Variants in TDRD12 observed in about 807,000 individuals in gnomAD.
The protein encoded by TDRD12 is tudor domain containing 12.
A neutral mutation model predicts 133.5 loss-of-function variants in TDRD12; 158 were observed. The observed-to-expected ratio is 1.18, with a 90% CI of 1.04 to 1.35. The LOEUF is 1.35. Among genes scored for constraint, TDRD12 ranks in the 40% most tolerant of loss-of-function variants. The pLI, the probability that TDRD12 is intolerant of heterozygous loss-of-function variation, is 0.00. For synonymous variants in TDRD12, 460 were observed against 477.9 expected (o/e 0.96, Z 0.49); for missense variants, 1,443 against 1,321.3 (o/e 1.09, Z -1.43).
At chr19:32,735,191 C>A (rs941134718) in intron 2 of TDRD12, among the ~76,000 whole-genome samples, 7 of 151,780 alleles carry the variant, frequency 4.6e-5, no homozygotes, top group African/African-American at 1.7e-4. Flanking sequence ...AGGCCTCTTG[C>A]ACCAAACAGT....
In TDRD12 at chr19:32,797,733, A is replaced by C. The variant is rs983519780; in HGVS notation, c.1474-2A>C. ...GTCATTTGAATTTGTCTGTCTTCGC[A>C]GCCTCTCGCAGTCATCGTGTGCCCT... On this transcript the variant is annotated splice_acceptor_variant, in intron 14 of 27. Transcript: ENST00000444215. LOFTEE classifies it high-confidence loss of function. 1 of 668,682 alleles carries C rather than the reference A, an allele frequency of 1.5e-6. No homozygotes were observed. The highest frequency in any genetic ancestry group is 2.7e-6 in the Non-Finnish European group (1 of 372,496). 41.4% of individuals were successfully genotyped at this position (668,682 alleles called of 1,614,324 possible). A position where few individuals can be genotyped will look rare whatever the true frequency, so the allele number is the denominator to read the frequency against.
intron 14 of TDRD12, among the ~76,000 whole-genome samples, chr19:32,796,842 T>C (rs1360913196): frequency 6.6e-6 from 1 of 152,058 alleles, no homozygotes; most frequent in Non-Finnish European, 1.5e-5. Flanking sequence ...CCTGGATCTG[T>C]ATGAATGAAA....
intron 19 of TDRD12, among the ~76,000 whole-genome samples, chr19:32,802,290 ATCC>A (rs1293128124): frequency 6.7e-6 from 1 of 149,600 alleles, no homozygotes; most frequent in Non-Finnish European, 1.5e-5. Flanking sequence ...CATGATAGTG[ATCC>A]TCAAGCTATA....
intron 4 of TDRD12, 87 bp downstream of exon 4, chr19:32,742,987 A>G: frequency 4.7e-6 from 7 of 1,477,024 alleles, no homozygotes; most frequent in Non-Finnish European, 6.4e-6. Flanking sequence ...GTTCCTCTGT[A>G]GAAGTGCTGA....
In TDRD12 at chr19:32,796,490, C is replaced by A. The variant is rs750262112; in HGVS notation, c.1474-1245C>A. Among the ~76,000 whole-genome samples, 53 of 151,732 alleles carry A rather than the reference C, an allele frequency of 3.5e-4. 1 individual carries two copies. The highest frequency in any genetic ancestry group is 3.4e-3 in the Middle Eastern group (1 of 294). On this transcript the variant is annotated intron_variant, in intron 14 of 27. Transcript: ENST00000444215. The stretch of plus-strand genomic sequence containing the variant: ...GTTCCAGCTACTCGAGAGGCTGAGG[C>A]AGGAGAATCGCTTGAACCTGGGAGG...
At chr19:32,734,112 G>T (rs1969148541) in intron 2 of TDRD12, among the ~76,000 whole-genome samples, 1 of 151,926 alleles carries the variant, frequency 6.6e-6, no homozygotes, top group African/African-American at 2.4e-5. Flanking sequence ...AGCCAGGATG[G>T]TCTTGATCTC....
intron 8 of TDRD12, among the ~76,000 whole-genome samples, chr19:32,764,766 A>G (rs1970247229): frequency 6.6e-6 from 1 of 152,168 alleles, no homozygotes; most frequent in Admixed American, 6.5e-5. Context: ...TCCTTCATGT[A>G]TTTTGAAGGT....
chr19:32,826,621 G>A (rs1310729598), intron 9 of TDRD12, 23 bp downstream of exon 31: 33 of 1,235,926 alleles, frequency 2.7e-5, no homozygotes, highest in Non-Finnish European at 3.2e-5. Flanking sequence ...GCACTCAGCG[G>A]GTGGTCTTTA....
In TDRD12 at chr19:32,804,691, CAA is replaced by C. The variant is rs34907310; in HGVS notation, c.2552+1565_2552+1566del. Among the ~76,000 whole-genome samples the C allele has an allele frequency of 1.9e-3, 227 of 121,116 alleles. 1 individual carries two copies. Among genetic ancestry groups the C allele is most frequent in the African/African-American group, 5.8e-3 (185 of 31,832 alleles). The allele number at this position is 121,116 out of a possible 152,430, so 79.5% of individuals were successfully genotyped here. A position where few individuals can be genotyped will look rare whatever the true frequency, so the allele number is the denominator to read the frequency against. On this transcript the variant is annotated intron_variant, in intron 21 of 27. Coordinates refer to ENST00000444215, the Ensembl canonical transcript of TDRD12. Reference sequence around the variant, plus strand: ...CTGGAGACACAGCAAGATTCTGTCTCAAAAAAAAAAAAAAAAATTAGCTGGGT... The same window carrying C: ...CTGGAGACACAGCAAGATTCTGTCTCAAAAAAAAAAAAAAATTAGCTGGGT...
At chr19:32,758,765 T>C (rs1256697781) in intron 8 of TDRD12, among the ~76,000 whole-genome samples, 1 of 151,990 alleles carries the variant, frequency 6.6e-6, no homozygotes, top group Non-Finnish European at 1.5e-5. Flanking sequence ...TGAAACCCCG[T>C]CTCTGCTAAA....
At chr19:32,818,336 G>T (rs2145750402) in intron 27 of TDRD12, among the ~76,000 whole-genome samples, 179 bp downstream of exon 27, 1 of 152,336 alleles carries the variant, frequency 6.6e-6, no homozygotes, top group African/African-American at 2.4e-5. Context: ...CAGAGACCCG[G>T]AGGTGCTGGG....
intron 14 of TDRD12, among the ~76,000 whole-genome samples, chr19:32,797,225 C>T (rs900654722): frequency 2.6e-5 from 4 of 152,160 alleles, no homozygotes; most frequent in Non-Finnish European, 5.9e-5. Context: ...GGGTGATCCA[C>T]CTGACTCAGC....
intron 4 of TDRD12, 128 bp from the exon 5 acceptor site, chr19:32,748,348 G>A (rs1272758884): frequency 2.2e-5 from 20 of 897,620 alleles, no homozygotes; most frequent in Non-Finnish European, 3.0e-5. Context: ...AGTGCCAGGT[G>A]CCCCATCATC....
rs1969772992 is a variant in TDRD12, at chr19:32,749,876, G to T, written c.582+7G>T. On this transcript the variant is annotated splice_region_variant and intron_variant, in intron 6 of 27. Coordinates refer to ENST00000444215, the Ensembl canonical transcript of TDRD12. ...AACTATAAAAGATGAAAAAGTAAGTGAAAGAATTGTATTTTTATAATATTT... is the reference window on the plus strand; with the variant it reads ...AACTATAAAAGATGAAAAAGTAAGTTAAAGAATTGTATTTTTATAATATTT... 1 of 1,492,374 alleles carries T rather than the reference G, an allele frequency of 6.7e-7. No individual in the cohort carries two copies. The highest frequency in any genetic ancestry group is 9.1e-7 in the Non-Finnish European group (1 of 1,103,052). The allele number at this position is 1,492,374 out of a possible 1,614,324, so 92.4% of individuals were successfully genotyped here.
intron 2 of TDRD12, among the ~76,000 whole-genome samples, chr19:32,733,488 A>G (rs116740590): frequency 1.9e-3 from 292 of 150,548 alleles, no homozygotes; most frequent in African/African-American, 6.8e-3. Flanking sequence ...AAAAAAATGT[A>G]TATGTGTGTG....
In TDRD12 at chr19:32,749,728, T is replaced by C. The variant is rs1462009598; in HGVS notation, c.497-56T>C. 3.0e-6 allele frequency: 4 copies of C among 1,337,926 alleles called. No homozygotes were observed. The African/African-American group carries it at 5.9e-5, about 20-fold the overall frequency. The allele number at this position is 1,337,926 out of a possible 1,614,324, so 82.9% of individuals were successfully genotyped here. On this transcript the variant is annotated intron_variant, in intron 5 of 27. Coordinates refer to ENST00000444215, the Ensembl canonical transcript of TDRD12. ...TTACTAGGTGGGAAATCGTCATGAT[T>C]GTTTCAAATATACTTTTAACATCAG...
chr19:32,815,769 G>A, intron 26 of TDRD12, 149 bp downstream of exon 26: 1 of 719,084 alleles, frequency 1.4e-6, no homozygotes. Flanking sequence ...GCCAAGGTGG[G>A]CGGCTCACGA....
rs1967002787 is a variant in TDRD12 at position 32,811,434 on chromosome 19, G to T, written c.3048+14G>T. 1 of 1,532,878 alleles carries T rather than the reference G, an allele frequency of 6.5e-7. No homozygotes were observed. Among genetic ancestry groups the T allele is most frequent in the Non-Finnish European group, 8.7e-7 (1 of 1,144,178 alleles). The allele number at this position is 1,532,878 out of a possible 1,614,324, so 95.0% of individuals were successfully genotyped here. ...TGGAATCCGAAGGTGGGTGATTTTG[G>T]CTTTTTATCTATTGTTGACTTTTAG... On this transcript the variant is annotated intron_variant, in intron 24 of 27. Coordinates refer to ENST00000444215, the Ensembl canonical transcript of TDRD12.
chr19:32,757,182 T>G, intron 8 of TDRD12, 52 bp downstream of exon 8: 1 of 1,413,412 alleles, frequency 7.1e-7, no homozygotes, highest in South Asian at 1.3e-5. Flanking sequence ...AAAAATATTC[T>G]TAGCTTTTTA....
Sources: allele counts gnomAD v4.1 joint callset (sites outside exome capture counted in the v4.1 genomes callset), GRCh38; gene constraint gnomAD v4.1.1; transcripts MANE v1.5; gene names NCBI Gene and HGNC (gene_info 2026-07-23, HGNC 2026-07-21).